SPECC1: variants seen among roughly 807,000 people sequenced by gnomAD.
SPECC1 encodes cytospin-B.
In SPECC1, 62 loss-of-function variants were observed where a neutral mutation model predicts 104.1. The ratio of observed to expected loss-of-function variants is 0.60; its 90% CI spans 0.49 to 0.74. SPECC1 has a LOEUF of 0.74. SPECC1 is among the 30% of genes least tolerant of loss of function. SPECC1 has a pLI of 0.00. For missense variants in SPECC1, 1,306 were observed against 1,310.5 expected, an observed-to-expected ratio of 1.00 and a Z score of 0.05; for synonymous variants, 513 against 501.6, an observed-to-expected ratio of 1.02 and a Z score of -0.30.
intron 2 of SPECC1, among the ~76,000 whole-genome samples, chr17:20,102,873 G>A (rs995514891): frequency 3.9e-5 from 6 of 152,164 alleles, no homozygotes; most frequent in Non-Finnish European, 7.3e-5. Flanking sequence ...TATCGTTATA[G>A]TTGGTGTCTG....
intron 1 of SPECC1, among the ~76,000 whole-genome samples, chr17:20,062,273 T>A (rs964672696): frequency 3.3e-5 from 5 of 150,220 alleles, no homozygotes; most frequent in Admixed American, 6.6e-5. Context: ...AAAAAAAAAA[T>A]TTTGTTCTCC....
chr17:20,086,733 T>C (rs928832176), intron 1 of SPECC1, among the ~76,000 whole-genome samples: 3 of 152,298 alleles, frequency 2.0e-5, no homozygotes, highest in Admixed American at 6.5e-5. Context: ...GCTCTCGTTA[T>C]GGAGGGTCCC....
chr17:20,010,062 CG>C (rs1298711436), intron 1 of SPECC1: 1 of 151,908 alleles, frequency 6.6e-6, no homozygotes, highest in Admixed American at 6.6e-5. Flanking sequence ...GTGGGTTTCC[CG>C]GTGGTGCGGA....
intron 3 of SPECC1, among the ~76,000 whole-genome samples, chr17:20,150,895 A>G (rs1344202034): frequency 1.3e-5 from 2 of 152,166 alleles, no homozygotes; most frequent in Non-Finnish European, 2.9e-5. Flanking sequence ...TTATTTCTAC[A>G]CATATTAATA....
chr17:20,069,852 T>C (rs1287475611), intron 1 of SPECC1, among the ~76,000 whole-genome samples: 1 of 152,018 alleles, frequency 6.6e-6, no homozygotes, highest in Non-Finnish European at 1.5e-5. Context: ...TAGTTAAACA[T>C]AAATATTTTA....
chr17:20,180,856 A>G (rs2034832171), intron 3 of SPECC1, among the ~76,000 whole-genome samples: 1 of 152,210 alleles, frequency 6.6e-6, no homozygotes, highest in South Asian at 2.1e-4. Flanking sequence ...GAAAATGTAC[A>G]GGGAATGTAC....
intron 3 of SPECC1, among the ~76,000 whole-genome samples, chr17:20,118,992 A>G (rs1465365119): frequency 6.6e-6 from 1 of 152,210 alleles, no homozygotes; most frequent in African/African-American, 2.4e-5. Flanking sequence ...ACAAGTTCCC[A>G]TGCCCCAAGG....
At chr17:20,119,305 G>A (rs1442773063) in intron 3 of SPECC1, among the ~76,000 whole-genome samples, 1 of 152,104 alleles carries the variant, frequency 6.6e-6, no homozygotes, top group Admixed American at 6.5e-5. Flanking sequence ...GTGCCATGGC[G>A]CTCCACAACC....
At chr17:20,194,502 A>ATTATTATTAT in intron 3 of SPECC1, among the ~76,000 whole-genome samples, 14 of 86,536 alleles carry the variant, frequency 1.6e-4, no homozygotes, top group East Asian at 1.6e-3. Context: ...AAGAGAACGA[A>ATTATTATTAT]TTTTTTTTTT....
At chr17:20,061,184 G>A (rs957957028) in intron 1 of SPECC1, among the ~76,000 whole-genome samples, 2 of 152,160 alleles carry the variant, frequency 1.3e-5, no homozygotes, top group East Asian at 3.9e-4. Context: ...CAATTCTCCT[G>A]CCTCAGCCTC....
At chr17:20,206,366 C>T (rs970620907) in intron 4 of SPECC1, among the ~76,000 whole-genome samples, 4 of 152,084 alleles carry the variant, frequency 2.6e-5, no homozygotes, top group Non-Finnish European at 5.9e-5. Flanking sequence ...GAAATCACTC[C>T]CAATTTTCAA....
intron 4 of SPECC1, among the ~76,000 whole-genome samples, chr17:20,209,238 A>C (rs1199876002): frequency 1.3e-5 from 2 of 152,198 alleles, no homozygotes; most frequent in Non-Finnish European, 2.9e-5. Context: ...TGTCCTGTTG[A>C]GCACCAAGCA....
At chr17:20,165,525 CATGTAT>C (rs1367872758) in intron 3 of SPECC1, among the ~76,000 whole-genome samples, 1 of 152,154 alleles carries the variant, frequency 6.6e-6, no homozygotes, top group East Asian at 1.9e-4. Context: ...CATACAGGTA[CATGTAT>C]CTTTATAACA....
chr17:20,299,662 A>G (rs1051283380), intron 13 of SPECC1, among the ~76,000 whole-genome samples: 4 of 152,138 alleles, frequency 2.6e-5, no homozygotes, highest in African/African-American at 9.7e-5. Flanking sequence ...AAGTTAACAC[A>G]TGCAATTAAC....
intron 3 of SPECC1, among the ~76,000 whole-genome samples, chr17:20,175,496 A>G (rs994509117): frequency 6.6e-6 from 1 of 152,120 alleles, no homozygotes; most frequent in Admixed American, 6.5e-5. Flanking sequence ...AAATTTTTAA[A>G]ACTTCTATTC....
At position 20,287,042 on chromosome 17, in the gene SPECC1, C is replaced by G. The variant is rs181569127; in HGVS notation, c.2941-9919C>G. On this transcript the variant is annotated intron_variant, in intron 12 of 14. Transcript: ENST00000395527. ...GCCGTCAGCAGCCTCCCCTGCCTCC[C>G]CTGGGCTCTGCTGATGAGGGTGCAA... Among the ~76,000 whole-genome samples the G allele has an allele frequency of 2.9e-3, 442 of 152,376 alleles. 4 individuals carry two copies. The highest frequency in any genetic ancestry group is 0.01 in the African/African-American group (418 of 41,594).
chr17:20,122,414 G>A (rs1404785953), intron 3 of SPECC1, among the ~76,000 whole-genome samples: 1 of 152,180 alleles, frequency 6.6e-6, no homozygotes, highest in African/African-American at 2.4e-5. Flanking sequence ...CATGGCACCG[G>A]GGAACAGCAG....
rs1044487525 is a variant in SPECC1 at position 20,316,496 on chromosome 17, G to C, written c.*2431G>C. ...ATTCTCCTGCCTCAGCCTCCCATGTGGCTGGGATTACAGGTGCCCATCACC... is the reference window on the plus strand; with the variant it reads ...ATTCTCCTGCCTCAGCCTCCCATGTCGCTGGGATTACAGGTGCCCATCACC... On this transcript the variant is annotated 3_prime_UTR_variant, in exon 15 of 15. Transcript: ENST00000395527. 7 of 188,846 alleles carry C rather than the reference G, an allele frequency of 3.7e-5. No individual in the cohort carries two copies. The Admixed American group carries it at 4.3e-4, about 12-fold the overall frequency. The allele number at this position is 188,846 out of a possible 1,614,324, so 11.7% of individuals were successfully genotyped here.
At chr17:20,248,216 GGAA>G (rs2039495849) in intron 9 of SPECC1, among the ~76,000 whole-genome samples, 2 of 152,154 alleles carry the variant, frequency 1.3e-5, no homozygotes, top group Non-Finnish European at 1.5e-5. Flanking sequence ...GCTGCAGAAG[GGAA>G]GCCTTACACT....
Sources: gnomAD v4.1 joint callset for allele counts (sites outside exome capture counted in the v4.1 genomes callset) on GRCh38, gnomAD v4.1.1 for gene constraint, MANE v1.5 for transcripts, NCBI Gene and HGNC (gene_info 2026-07-23, HGNC 2026-07-21) for gene names.